MCTP1: variants seen among roughly 807,000 people sequenced by gnomAD.
The protein encoded by MCTP1 is multiple C2 and transmembrane domain containing 1.
Under a neutral mutation model 120.6 loss-of-function variants are expected in MCTP1, and 69 were observed. The observed-to-expected ratio is 0.57, with a 90% CI of 0.47 to 0.70. MCTP1 has a LOEUF of 0.70. Ranked by LOEUF, MCTP1 falls within the 30% of genes least tolerant of loss-of-function variation. MCTP1 has a pLI of 0.00. For synonymous variants in MCTP1, 529 were observed against 493.1 expected (o/e 1.07, Z -0.96); for missense variants, 1,203 against 1,248.8 (o/e 0.96, Z 0.55).
At chr5:95,009,056 A>AAGAGAGAGAGAGAG (rs201724037) in intron 2 of MCTP1, among the ~76,000 whole-genome samples, 4 of 129,556 alleles carry the variant, frequency 3.1e-5, no homozygotes, top group African/African-American at 1.0e-4. Flanking sequence ...GAGAGGGAGA[A>AAGAGAGAGAGAGAG]AGAGAGAGAG....
intron 19 of MCTP1, among the ~76,000 whole-genome samples, chr5:94,769,097 G>A (rs972186541): frequency 6.6e-6 from 1 of 152,030 alleles, no homozygotes; most frequent in Non-Finnish European, 1.5e-5. Flanking sequence ...CAATGTGGGT[G>A]GGACTTGAGG....
At chr5:95,095,084 C>A (rs111311835) in intron 1 of MCTP1, among the ~76,000 whole-genome samples, 9,642 of 121,638 alleles carry the variant, frequency 0.079, 1,235 homozygotes, top group African/African-American at 0.29. Flanking sequence ...AGTGCAGTGG[C>A]GCGATCTAGG....
intron 1 of MCTP1, among the ~76,000 whole-genome samples, chr5:95,145,536 T>C (rs1760310812): frequency 6.6e-6 from 1 of 152,208 alleles, no homozygotes; most frequent in African/African-American, 2.4e-5. Context: ...GGGTTTGTCA[T>C]GAATGGCTCT....
chr5:94,730,804 G>A (rs1762974133), intron 19 of MCTP1, among the ~76,000 whole-genome samples: 1 of 152,016 alleles, frequency 6.6e-6, no homozygotes, highest in African/African-American at 2.4e-5. Flanking sequence ...GTTTCAGAAG[G>A]AAATCTGAAG....
intron 1 of MCTP1, among the ~76,000 whole-genome samples, chr5:95,204,233 G>C (rs1157011329): frequency 6.6e-6 from 1 of 152,162 alleles, no homozygotes; most frequent in Non-Finnish European, 1.5e-5. Flanking sequence ...GAGAGGATCA[G>C]CTTTATTAAG....
At chr5:95,126,595 A>G (rs914231366) in intron 1 of MCTP1, among the ~76,000 whole-genome samples, 1 of 152,206 alleles carries the variant, frequency 6.6e-6, no homozygotes, top group Non-Finnish European at 1.5e-5. Context: ...ATATGTAATG[A>G]CAGACTTGAT....
At chr5:95,037,355 A>T (rs188172216) in intron 1 of MCTP1, among the ~76,000 whole-genome samples, 9 of 152,332 alleles carry the variant, frequency 5.9e-5, no homozygotes, top group African/African-American at 1.7e-4. Flanking sequence ...ACGAGGTGAA[A>T]AGTAGGATGC....
intron 1 of MCTP1, among the ~76,000 whole-genome samples, chr5:95,159,742 A>C (rs1303233057): frequency 2.0e-5 from 3 of 152,098 alleles, no homozygotes; most frequent in Non-Finnish European, 2.9e-5. Context: ...ATTTCTCTGG[A>C]AGATGTTCCA....
intron 6 of MCTP1, among the ~76,000 whole-genome samples, chr5:94,930,526 G>A (rs999721090): frequency 5.5e-4 from 83 of 151,850 alleles, no homozygotes; most frequent in African/African-American, 1.8e-3. Context: ...CACCCACCTC[G>A]ACCTCCCAAA....
intron 17 of MCTP1, among the ~76,000 whole-genome samples, chr5:94,835,646 A>G (rs1789562213): frequency 1.3e-5 from 2 of 152,166 alleles, no homozygotes; most frequent in South Asian, 2.1e-4. Context: ...TCTCATATCC[A>G]CATCTTCCTT....
chr5:95,259,045 A>G (rs796681970), intron 1 of MCTP1, among the ~76,000 whole-genome samples: 1 of 152,206 alleles, frequency 6.6e-6, no homozygotes, highest in African/African-American at 2.4e-5. Flanking sequence ...GGAATAACCT[A>G]TCTACTAATG....
intron 1 of MCTP1, among the ~76,000 whole-genome samples, chr5:95,248,413 T>G (rs1757038166): frequency 6.6e-6 from 1 of 152,166 alleles, no homozygotes; most frequent in African/African-American, 2.4e-5. Context: ...TGAACTCCTA[T>G]TCACAATTAC....
chr5:95,113,343 T>C (rs1400130587), intron 1 of MCTP1, among the ~76,000 whole-genome samples: 3 of 151,998 alleles, frequency 2.0e-5, no homozygotes, highest in Non-Finnish European at 2.9e-5. Context: ...TATAGTACCA[T>C]GTTTTAACTT....
chr5:95,235,409 C>T (rs780680988), intron 1 of MCTP1, among the ~76,000 whole-genome samples: 8 of 151,852 alleles, frequency 5.3e-5, no homozygotes, highest in African/African-American at 7.2e-5. Flanking sequence ...AAGAAAAGGA[C>T]GTGCATTCTT....
chr5:95,007,767 C>T (rs1835059297), intron 2 of MCTP1, among the ~76,000 whole-genome samples: 1 of 152,132 alleles, frequency 6.6e-6, no homozygotes, highest in African/African-American at 2.4e-5. Flanking sequence ...ACTTCTAAAA[C>T]CTTTCCCATT....
chr5:94,919,045 T>G (rs1810880877), intron 7 of MCTP1, among the ~76,000 whole-genome samples: 1 of 152,084 alleles, frequency 6.6e-6, no homozygotes, highest in Non-Finnish European at 1.5e-5. Context: ...CAAAAGAAAT[T>G]AATTGGTATA....
intron 19 of MCTP1, among the ~76,000 whole-genome samples, chr5:94,716,767 T>G (rs1235470764): frequency 6.6e-6 from 1 of 151,776 alleles, no homozygotes; most frequent in Non-Finnish European, 1.5e-5. Context: ...TTTTTTTTTT[T>G]AGTTGAATAT....
intron 17 of MCTP1, among the ~76,000 whole-genome samples, chr5:94,823,877 T>A (rs112502773): frequency 6.6e-6 from 1 of 152,352 alleles, no homozygotes; most frequent in African/African-American, 2.4e-5. Context: ...ATGCTTGTGA[T>A]TTTTGCACAT....
chr5:95,172,828 A>G (rs1286019260), intron 1 of MCTP1, among the ~76,000 whole-genome samples: 5 of 152,184 alleles, frequency 3.3e-5, no homozygotes, highest in African/African-American at 1.2e-4. Flanking sequence ...CAGTGTTACC[A>G]TAGGTCAAAT....
Sources: allele counts gnomAD v4.1 joint callset (sites outside exome capture counted in the v4.1 genomes callset), GRCh38; gene constraint gnomAD v4.1.1; transcripts MANE v1.5; gene names NCBI Gene and HGNC (gene_info 2026-07-23, HGNC 2026-07-21).